Variants in NRP2 observed in about 807,000 individuals in gnomAD.
NRP2 encodes the protein neuropilin 2, also known as neuropilin-2.
In NRP2, 52 loss-of-function variants were observed where a neutral mutation model predicts 110.4. The ratio of observed to expected loss-of-function variants is 0.47; its 90% CI spans 0.38 to 0.59. NRP2 has a LOEUF of 0.59. Among genes scored for constraint, NRP2 ranks in the 20% least tolerant of loss-of-function variants. The probability of loss-of-function intolerance (pLI) is 0.00; values close to 1 mark genes in which losing one functional copy is unlikely to be tolerated. For missense variants in NRP2, 1,049 were observed against 1,203.0 expected (o/e 0.87, Z 1.89); for synonymous variants, 508 against 468.9 (o/e 1.08, Z -1.08).
At chr2:205,721,279 C>T (rs2057006378) in intron 3 of NRP2, among the ~76,000 whole-genome samples, 1 of 152,132 alleles carries the variant, frequency 6.6e-6, no homozygotes, top group Non-Finnish European at 1.5e-5. Context: ...CCCAGTTTAT[C>T]GAGTATTTCT....
chr2:205,732,562 C>T (rs2057260750), intron 7 of NRP2, among the ~76,000 whole-genome samples: 1 of 152,164 alleles, frequency 6.6e-6, no homozygotes, highest in Admixed American at 6.5e-5. Context: ...CGGCTGCTAT[C>T]GGCAAAGCAC....
chr2:205,784,001 G>GACACAC (rs56303275), intron 15 of NRP2, among the ~76,000 whole-genome samples: 48 of 148,758 alleles, frequency 3.2e-4, no homozygotes, highest in African/African-American at 3.2e-4. Context: ...ATCTCTCTCT[G>GACACAC]ACACACACAC....
At chr2:205,781,361 C>T (rs915342429) in intron 15 of NRP2, among the ~76,000 whole-genome samples, 4 of 152,234 alleles carry the variant, frequency 2.6e-5, no homozygotes, top group Non-Finnish European at 2.9e-5. Context: ...ATCATAAATA[C>T]CAGATGTCAA....
At chr2:205,696,534 C>T (rs1559308221) in intron 1 of NRP2, among the ~76,000 whole-genome samples, 1 of 152,218 alleles carries the variant, frequency 6.6e-6, no homozygotes, top group Non-Finnish European at 1.5e-5. Flanking sequence ...CCCAAGAATC[C>T]CTGCTGGGGA....
intron 14 of NRP2, among the ~76,000 whole-genome samples, chr2:205,766,377 G>C (rs549403046): frequency 3.6e-4 from 55 of 152,302 alleles, no homozygotes; most frequent in Non-Finnish European, 7.1e-4. Flanking sequence ...CTTGGCACAC[G>C]ACCCCTGGTG....
chr2:205,700,838 G>T, intron 2 of NRP2: 1 of 482,150 alleles, frequency 2.1e-6, no homozygotes, highest in South Asian at 1.5e-5. Context: ...CAAATCCTGG[G>T]CACCCACAGG....
At chr2:205,743,686 G>A (rs994611648) in intron 9 of NRP2, 134 bp downstream of exon 9, 60 of 1,460,262 alleles carry the variant, frequency 4.1e-5, no homozygotes, top group African/African-American at 9.9e-5. Flanking sequence ...AACAAATATC[G>A]TTTGAGAGAT....
intron 2 of NRP2, chr2:205,701,029 G>T (rs1316742820): frequency 4.8e-6 from 1 of 207,144 alleles, no homozygotes; most frequent in Admixed American, 5.8e-5. Flanking sequence ...GCAGACAGAG[G>T]CCTTTCGCTT....
chr2:205,748,067 C>G (rs990534179), intron 10 of NRP2, among the ~76,000 whole-genome samples: 1 of 152,048 alleles, frequency 6.6e-6, no homozygotes, highest in Non-Finnish European at 1.5e-5. Context: ...AACACCGAGG[C>G]CTCGGTGCCC....
At chr2:205,726,116 T>C (rs763066141) in intron 6 of NRP2, 34 bp downstream of exon 6, 11 of 1,610,698 alleles carry the variant, frequency 6.8e-6, no homozygotes, top group Non-Finnish European at 9.3e-6. Flanking sequence ...TGTGAGAGTG[T>C]GTATGTATTG....
rs34980616 is a variant in NRP2 at position 205,722,516 on chromosome 2, G to A, written c.472G>A (p.Gly158Arg). 82 of 1,614,146 alleles carry A rather than the reference G, an allele frequency of 5.1e-5. No individual in the cohort carries two copies. The highest frequency in any genetic ancestry group is 6.5e-5 in the Non-Finnish European group (77 of 1,180,022). The change falls in exon 4 of 17, where the codon GGG becomes AGG. Residue 158 changes from glycine to arginine, a missense_variant. Coordinates refer to ENST00000357785, the MANE Select transcript of NRP2 (RefSeq NM_003872.3). The part of the protein sequence containing the change: ...DCSKNFTSPN[G>R]TIESPGFPEK... ...CTCAAAAAACTTCACAAGCCCCAAC[G>A]GGACCATCGAATCTCCTGGGTTTCC...
At chr2:205,716,399 C>A in intron 3 of NRP2, 25 bp downstream of exon 3, 1 of 1,612,068 alleles carries the variant, frequency 6.2e-7, no homozygotes, top group African/African-American at 1.3e-5. Flanking sequence ...ACGTAGGGGC[C>A]GGGAGATGGG....
At chr2:205,724,278 C>A (rs1298148384) in intron 5 of NRP2, among the ~76,000 whole-genome samples, 5 of 152,202 alleles carry the variant, frequency 3.3e-5, no homozygotes, top group Non-Finnish European at 7.3e-5. Flanking sequence ...CAGGGCCCCT[C>A]CTGTGCTAAC....
At chr2:205,689,849 C>G (rs1040676341) in intron 1 of NRP2, among the ~76,000 whole-genome samples, 3 of 152,212 alleles carry the variant, frequency 2.0e-5, no homozygotes, top group African/African-American at 7.2e-5. Context: ...GGCACTAAGG[C>G]CCTTCAGCAG....
rs150966009 is a variant in NRP2 at position 205,730,812 on chromosome 2, T to C, written c.1146+2766T>C. 4.9e-3 allele frequency among the ~76,000 whole-genome samples: 742 copies of C among 152,324 alleles called. 6 individuals are homozygous for C. Among genetic ancestry groups the C allele is most frequent in the Admixed American group, 8.2e-3 (125 of 15,308 alleles). On this transcript the variant is annotated intron_variant, in intron 7 of 16. Coordinates refer to ENST00000357785, the MANE Select transcript of NRP2 (RefSeq NM_003872.3). The stretch of plus-strand genomic sequence containing the variant: ...TGTCTTTGCAAAACACTGTTTACAA[T>C]GTGGACCCAGACGGGGCTGAGGCAA...
chr2:205,731,005 G>A (rs2057228319), intron 7 of NRP2, among the ~76,000 whole-genome samples: 1 of 152,210 alleles, frequency 6.6e-6, no homozygotes, highest in Non-Finnish European at 1.5e-5. Flanking sequence ...TCACACTGTT[G>A]CTGGGGCATT....
At chr2:205,768,993 A>T (rs915728919) in intron 15 of NRP2, among the ~76,000 whole-genome samples, 2 of 152,178 alleles carry the variant, frequency 1.3e-5, no homozygotes, top group African/African-American at 2.4e-5. Context: ...GTTTGACCAC[A>T]GCATGCAACT....
chr2:205,764,064 T>A, intron 13 of NRP2, 128 bp downstream of exon 13: 1 of 1,154,788 alleles, frequency 8.7e-7, no homozygotes, highest in Non-Finnish European at 1.2e-6. Flanking sequence ...CCATGGCAAC[T>A]GAATGACACT....
chr2:205,727,103 G>A (rs1029681765), intron 6 of NRP2, among the ~76,000 whole-genome samples: 1 of 152,180 alleles, frequency 6.6e-6, no homozygotes, highest in African/African-American at 2.4e-5. Context: ...ACAGCACTAT[G>A]TACTACTTAT....
Sources: gnomAD v4.1 joint callset for allele counts (sites outside exome capture counted in the v4.1 genomes callset) on GRCh38, gnomAD v4.1.1 for gene constraint, MANE v1.5 for transcripts, NCBI Gene and HGNC (gene_info 2026-07-23, HGNC 2026-07-21) for gene names.